Variants in ADGRG6 observed in about 807,000 individuals in gnomAD.
The protein encoded by ADGRG6 is G-protein coupled receptor 126.
Under a neutral mutation model 142.4 loss-of-function variants are expected in ADGRG6, and 84 were observed. The observed-to-expected ratio is 0.59, with a 90% CI of 0.49 to 0.71. The LOEUF is 0.71. Among genes scored for constraint, ADGRG6 ranks in the 30% least tolerant of loss-of-function variants. The probability of loss-of-function intolerance (pLI) is 0.00; values close to 1 mark genes in which losing one functional copy is unlikely to be tolerated. For synonymous variants in ADGRG6, 521 were observed against 520.5 expected (o/e 1.00, Z -0.01); for missense variants, 1,367 against 1,466.6 (o/e 0.93, Z 1.11).
At chr6:142,394,153 T>C (rs1390454058) in intron 9 of ADGRG6, among the ~76,000 whole-genome samples, 195 bp downstream of exon 9, 5 of 152,150 alleles carry the variant, frequency 3.3e-5, no homozygotes, top group Non-Finnish European at 7.4e-5. Context: ...GTAATGTATA[T>C]CCAATGAAAA....
At chr6:142,351,718 G>A (rs74557631) in intron 2 of ADGRG6, among the ~76,000 whole-genome samples, 1 of 152,220 alleles carries the variant, frequency 6.6e-6, no homozygotes, top group East Asian at 1.9e-4. Flanking sequence ...TGATTAATAA[G>A]CTTCTGCACA....
intron 6 of ADGRG6, among the ~76,000 whole-genome samples, chr6:142,385,841 A>G (rs962297749): frequency 6.6e-6 from 1 of 152,148 alleles, no homozygotes; most frequent in East Asian, 1.9e-4. Context: ...CATGTCCTGG[A>G]TTATCATCAT....
At chr6:142,312,704 A>T (rs1369204184) in intron 2 of ADGRG6, among the ~76,000 whole-genome samples, 1 of 152,130 alleles carries the variant, frequency 6.6e-6, no homozygotes, top group East Asian at 1.9e-4. Flanking sequence ...ACATGTAGGC[A>T]TATACCCTAT....
chr6:142,398,070 G>T (rs774533577), intron 10 of ADGRG6, among the ~76,000 whole-genome samples: 3 of 152,194 alleles, frequency 2.0e-5, no homozygotes, highest in Non-Finnish European at 2.9e-5. Flanking sequence ...AAAAAAAAGA[G>T]TGTGTAGATG....
intron 8 of ADGRG6, among the ~76,000 whole-genome samples, chr6:142,393,381 C>CGAT (rs1775007709): frequency 6.6e-6 from 1 of 152,036 alleles, no homozygotes; most frequent in Admixed American, 6.6e-5. Flanking sequence ...GATCTAATTT[C>CGAT]GTACATCGAC....
intron 9 of ADGRG6, among the ~76,000 whole-genome samples, chr6:142,395,040 A>G (rs566393378): frequency 6.6e-6 from 1 of 152,294 alleles, no homozygotes; most frequent in Non-Finnish European, 1.5e-5. Flanking sequence ...TACTATGAAA[A>G]GATAAAATTT....
intron 2 of ADGRG6, among the ~76,000 whole-genome samples, chr6:142,331,363 C>T (rs994357264): frequency 1.3e-5 from 2 of 152,018 alleles, no homozygotes; most frequent in African/African-American, 4.8e-5. Context: ...CCTAGTGAGA[C>T]ATATCCTGCA....
chr6:142,416,351 A>G (rs890545206), intron 20 of ADGRG6, among the ~76,000 whole-genome samples: 8 of 152,182 alleles, frequency 5.3e-5, no homozygotes, highest in Non-Finnish European at 1.0e-4. Context: ...CCCAAGTCTG[A>G]AGAAGCAGCT....
chr6:142,408,385 A>T (rs1775922694), intron 16 of ADGRG6, 116 bp downstream of exon 16: 1 of 644,892 alleles, frequency 1.6e-6, no homozygotes, highest in Non-Finnish European at 2.6e-6. Context: ...AGTAGGGCCC[A>T]GTTTTCTATA....
At chr6:142,322,135 C>T (rs1345337011) in intron 2 of ADGRG6, among the ~76,000 whole-genome samples, 1 of 152,096 alleles carries the variant, frequency 6.6e-6, no homozygotes, top group East Asian at 1.9e-4. Context: ...CACAGTGACT[C>T]ATGTCAGTAA....
chr6:142,306,232 A>G (rs1269991293), intron 1 of ADGRG6, among the ~76,000 whole-genome samples: 2 of 152,174 alleles, frequency 1.3e-5, no homozygotes, highest in African/African-American at 4.8e-5. Context: ...AGAGAGATGG[A>G]AAGTGGTAGG....
intron 2 of ADGRG6, among the ~76,000 whole-genome samples, chr6:142,356,285 G>T (rs913076844): frequency 3.3e-5 from 5 of 152,160 alleles, no homozygotes; most frequent in African/African-American, 1.2e-4. Flanking sequence ...TTCACAATCT[G>T]TCAAAGCTTG....
At chr6:142,314,808 T>G (rs561852278) in intron 2 of ADGRG6, among the ~76,000 whole-genome samples, 1 of 152,348 alleles carries the variant, frequency 6.6e-6, no homozygotes, top group South Asian at 2.1e-4. Flanking sequence ...GTGTTAATGC[T>G]GTAAGAACCA....
intron 1 of ADGRG6, 130 bp downstream of exon 1, chr6:142,302,461 A>G: frequency 1.0e-6 from 1 of 970,968 alleles, no homozygotes; most frequent in South Asian, 1.7e-5. Flanking sequence ...CGGAGGGAAT[A>G]AACCGGTTTG....
intron 4 of ADGRG6, among the ~76,000 whole-genome samples, chr6:142,378,159 C>G (rs1781587641): frequency 6.6e-6 from 1 of 152,154 alleles, no homozygotes; most frequent in Admixed American, 6.5e-5. Flanking sequence ...AAATATCTTG[C>G]TCTAAATCAT....
intron 22 of ADGRG6, among the ~76,000 whole-genome samples, chr6:142,430,963 G>T (rs754908139): frequency 6.6e-6 from 1 of 152,004 alleles, no homozygotes; most frequent in Non-Finnish European, 1.5e-5. Flanking sequence ...AACAACCCCC[G>T]TAGGCCCACT....
intron 2 of ADGRG6, among the ~76,000 whole-genome samples, chr6:142,321,073 A>G (rs193030794): frequency 3.4e-4 from 51 of 152,100 alleles, no homozygotes; most frequent in African/African-American, 1.2e-3. Flanking sequence ...TATGAAAGGT[A>G]TACATAACCA....
At chr6:142,413,094 T>C (rs1198416747) in intron 18 of ADGRG6, among the ~76,000 whole-genome samples, 1 of 152,076 alleles carries the variant, frequency 6.6e-6, no homozygotes, top group African/African-American at 2.4e-5. Flanking sequence ...ACCTTGTCTG[T>C]TTTTGTAATA....
At chr6:142,353,469 A>T (rs1780284556) in intron 2 of ADGRG6, among the ~76,000 whole-genome samples, 1 of 152,190 alleles carries the variant, frequency 6.6e-6, no homozygotes, top group African/African-American at 2.4e-5. Flanking sequence ...ATCAGTTGAG[A>T]CTTGACATTA....
Sources: gnomAD v4.1 joint callset for allele counts (sites outside exome capture counted in the v4.1 genomes callset) on GRCh38, gnomAD v4.1.1 for gene constraint, MANE v1.5 for transcripts, NCBI Gene and HGNC (gene_info 2026-07-23, HGNC 2026-07-21) for gene names.